The following ACTR3C variants were observed in gnomAD, a reference collection of about 807,000 sequenced individuals.
The protein encoded by ACTR3C is actin-related protein 3C.
In ACTR3C, 18 loss-of-function variants were observed where a neutral mutation model predicts 26.3. The ratio of observed to expected loss-of-function variants is 0.68; its 90% CI spans 0.47 to 1.01. The LOEUF is 1.01. Ranked by LOEUF, ACTR3C falls within the 50% of genes least tolerant of loss-of-function variation. The pLI is 0.00. For missense variants in ACTR3C, 184 were observed against 250.7 expected (o/e 0.73, Z 1.80); for synonymous variants, 55 against 94.5 (o/e 0.58, Z 2.42).
the ACTR3C span, among the ~76,000 whole-genome samples, chr7:149,956,415 TAAAC>T: frequency 0.038 from 5,721 of 151,950 alleles, 366 homozygotes; most frequent in African/African-American, 0.13. Context: ...AAAAAGTAAA[TAAAC>T]AAACAAACAA....
At chr7:150,171,465 A>G in the ACTR3C span, among the ~76,000 whole-genome samples, 3 of 150,950 alleles carry the variant, frequency 2.0e-5, no homozygotes, top group African/African-American at 7.5e-5. Context: ...ATACCACGTT[A>G]ATTTTGAGGG....
the ACTR3C span, among the ~76,000 whole-genome samples, chr7:150,072,811 C>A: frequency 3.3e-5 from 5 of 151,928 alleles, no homozygotes; most frequent in African/African-American, 1.2e-4. Context: ...ATTTCCTGAG[C>A]TCCTAAGAGG....
chr7:150,255,242 A>ATTTTTTTTTTTTTTTTTT (rs745713614), intron 6 of ACTR3C, among the ~76,000 whole-genome samples: 1 of 85,600 alleles, frequency 1.2e-5, no homozygotes, highest in African/African-American at 4.4e-5. Context: ...TTTGTAGGGG[A>ATTTTTTTTTTTTTTTTTT]TTTTTTTTTT....
the ACTR3C span, among the ~76,000 whole-genome samples, chr7:149,926,720 G>A: frequency 5.3e-5 from 8 of 152,072 alleles, no homozygotes; most frequent in African/African-American, 1.2e-4. Context: ...CATTTTCACC[G>A]TAGTCCTGAT....
At chr7:150,055,778 G>C in the ACTR3C span, among the ~76,000 whole-genome samples, 15 of 152,154 alleles carry the variant, frequency 9.9e-5, no homozygotes, top group East Asian at 5.8e-4. Context: ...TTTGGCAGAA[G>C]AACTCTGCAG....
At chr7:149,892,338 C>T in the ACTR3C span, 3 of 1,607,734 alleles carry the variant, frequency 1.9e-6, no homozygotes. Context: ...GTCATCAACT[C>T]CCCTCAACAC....
At chr7:149,971,735 C>T in the ACTR3C span, among the ~76,000 whole-genome samples, 15 of 152,206 alleles carry the variant, frequency 9.9e-5, no homozygotes, top group Non-Finnish European at 1.6e-4. Context: ...ATGTCTCCCT[C>T]GTCTCCCATT....
At chr7:150,242,328 T>C (rs11486913), downstream of ACTR3C, among the ~76,000 whole-genome samples, 12,825 of 144,130 alleles carry the variant, frequency 0.089, 1,496 homozygotes, top group African/African-American at 0.27. Flanking sequence ...TCCATTTGCA[T>C]GAACTGTACA....
At chr7:150,206,313 C>T in the ACTR3C span, among the ~76,000 whole-genome samples, 1 of 152,168 alleles carries the variant, frequency 6.6e-6, no homozygotes, top group African/African-American at 2.4e-5. Flanking sequence ...TGGCTTTATT[C>T]CCCTGGGAGT....
At chr7:150,271,901 C>G (rs559438664) in intron 6 of ACTR3C, among the ~76,000 whole-genome samples, 2 of 148,540 alleles carry the variant, frequency 1.3e-5, no homozygotes, top group Admixed American at 1.3e-4. Context: ...ATACCTCCCC[C>G]CTCGCCCAGA....
chr7:150,171,318 G>A, the ACTR3C span, among the ~76,000 whole-genome samples: 6 of 149,934 alleles, frequency 4.0e-5, no homozygotes, highest in South Asian at 2.1e-4. Flanking sequence ...CAGCAAGATC[G>A]CTGGAATATA....
At chr7:150,181,732 T>C in the ACTR3C span, among the ~76,000 whole-genome samples, 164 of 150,704 alleles carry the variant, frequency 1.1e-3, 7 homozygotes, top group East Asian at 0.013. Flanking sequence ...ATAGTAAATT[T>C]GGAAAAATGA....
chr7:150,066,505 A>C, the ACTR3C span, among the ~76,000 whole-genome samples: 1 of 152,234 alleles, frequency 6.6e-6, no homozygotes, highest in Non-Finnish European at 1.5e-5. Flanking sequence ...CTTTAGGTGA[A>C]AAATTAGGTT....
chr7:150,036,405 C>T, the ACTR3C span, among the ~76,000 whole-genome samples: 1,965 of 119,596 alleles, frequency 0.016, 1 homozygote, highest in African/African-American at 0.019. Flanking sequence ...GGTTAAAAGT[C>T]CAGCTGCCAT....
chr7:150,307,224 A>G (rs1202997024), intron 1 of ACTR3C, among the ~76,000 whole-genome samples: 2 of 152,258 alleles, frequency 1.3e-5, no homozygotes, highest in African/African-American at 4.8e-5. Flanking sequence ...TGTAAGATGT[A>G]CATTGATTTG....
At chr7:150,222,058 G>GATT in the ACTR3C span, among the ~76,000 whole-genome samples, 1 of 149,666 alleles carries the variant, frequency 6.7e-6, no homozygotes, top group East Asian at 1.9e-4. Context: ...GTAAAAGGGA[G>GATT]ATTTATTTTA....
chr7:150,095,867 A>C, the ACTR3C span, among the ~76,000 whole-genome samples: 1 of 150,638 alleles, frequency 6.6e-6, no homozygotes, highest in Non-Finnish European at 1.5e-5. Flanking sequence ...GGAACAAATG[A>C]AAAGTTAAAC....
the ACTR3C span, among the ~76,000 whole-genome samples, chr7:150,153,008 A>G: frequency 2.0e-5 from 3 of 151,948 alleles, no homozygotes; most frequent in African/African-American, 7.3e-5. Context: ...TTTTTATTGC[A>G]TCTATTTGAT....
At chr7:150,117,092 C>G in the ACTR3C span, among the ~76,000 whole-genome samples, 1 of 152,200 alleles carries the variant, frequency 6.6e-6, no homozygotes, top group Non-Finnish European at 1.5e-5. Context: ...ACCCACAGAC[C>G]AGGAGATTCC....
Sources: gnomAD v4.1 joint callset for allele counts (sites outside exome capture counted in the v4.1 genomes callset) on GRCh38, gnomAD v4.1.1 for gene constraint, MANE v1.5 for transcripts, NCBI Gene and HGNC (gene_info 2026-07-23, HGNC 2026-07-21) for gene names.